Variants in PCDHGA7 observed in about 807,000 individuals in gnomAD.
PCDHGA7 encodes protocadherin gamma subfamily A, 7, also known as protocadherin gamma-A7.
A neutral mutation model predicts 58.3 loss-of-function variants in PCDHGA7; 44 were observed. The ratio of observed to expected loss-of-function variants is 0.75; its 90% CI spans 0.59 to 0.97. The LOEUF (loss-of-function observed/expected upper bound fraction) is 0.97. Among genes scored for constraint, PCDHGA7 ranks in the 50% least tolerant of loss-of-function variants. The pLI, the probability that PCDHGA7 is intolerant of heterozygous loss-of-function variation, is 0.00. For synonymous variants in PCDHGA7, 516 were observed against 504.2 expected (o/e 1.02, Z -0.31); for missense variants, 1,266 against 1,188.7 (o/e 1.06, Z -0.96).
intron 1 of PCDHGA7, among the ~76,000 whole-genome samples, chr5:141,483,459 G>A (rs1214951485): frequency 6.6e-6 from 1 of 152,186 alleles, no homozygotes; most frequent in Non-Finnish European, 1.5e-5. Flanking sequence ...AGGACTTGTT[G>A]ATTGACATGA....
chr5:141,509,979 T>C (rs908103989), intron 3 of PCDHGA7, among the ~76,000 whole-genome samples: 4 of 152,204 alleles, frequency 2.6e-5, no homozygotes, highest in African/African-American at 7.2e-5. Context: ...CTTCTAACAC[T>C]TGGTTCCCTC....
chr5:141,458,385 C>T (rs1371423838), intron 1 of PCDHGA7, among the ~76,000 whole-genome samples: 15 of 152,104 alleles, frequency 9.9e-5, no homozygotes, highest in East Asian at 1.9e-4. Context: ...AGAAGGAAGA[C>T]GCTCCCCCTT....
chr5:141,407,958 A>G lies in PCDHGA7; in HGVS notation c.2424+22635A>G, dbSNP rs1018466165. On this transcript the variant is annotated intron_variant, in intron 1 of 3. Transcript: ENST00000518325. ...TGGGCGCCGCTGTCGGCCAGTGCAG[A>G]GCAAGCGCTGACGCCGGGGATCCGT... 5 of 660,632 alleles carry G rather than the reference A, an allele frequency of 7.6e-6. No homozygotes were observed. In the South Asian group the frequency reaches 1.2e-4, roughly 15 times the overall value. 40.9% of individuals were successfully genotyped at this position (660,632 alleles called of 1,614,324 possible).
At chr5:141,411,045 T>G (rs1409162601) in intron 1 of PCDHGA7, 1 of 159,716 alleles carries the variant, frequency 6.3e-6, no homozygotes, top group Non-Finnish European at 1.4e-5. Flanking sequence ...AGACATGGGG[T>G]TTCACTATGT....
At chr5:141,419,325 AC>A (rs768622826) in intron 1 of PCDHGA7, 1 of 1,613,702 alleles carries the variant, frequency 6.2e-7, no homozygotes, top group Non-Finnish European at 8.5e-7. Context: ...CGTGTCTCCT[AC>A]TCTCTCATTG....
chr5:141,396,295 AG>A (rs1561657375), intron 1 of PCDHGA7: 1 of 151,978 alleles, frequency 6.6e-6, no homozygotes, highest in African/African-American at 2.4e-5. Flanking sequence ...ACTCCAGCCT[AG>A]GTGGCAGAAC....
At chr5:141,415,736 TA>T in intron 1 of PCDHGA7, 1 of 1,289,980 alleles carries the variant, frequency 7.8e-7, no homozygotes, top group South Asian at 1.8e-5. Context: ...TGATGTTTAT[TA>T]AGGTTTTTTT....
intron 1 of PCDHGA7, chr5:141,418,345 T>G: frequency 6.2e-7 from 1 of 1,614,000 alleles, no homozygotes; most frequent in Non-Finnish European, 8.5e-7. Context: ...ATCCTGATAT[T>G]AGTATGAATT....
intron 1 of PCDHGA7, among the ~76,000 whole-genome samples, chr5:141,435,357 T>C (rs749223776): frequency 6.6e-6 from 1 of 152,208 alleles, no homozygotes; most frequent in Non-Finnish European, 1.5e-5. Flanking sequence ...CATTTAAAAT[T>C]TTATCACTTA....
At chr5:141,505,852 G>A (rs2099848673) in intron 3 of PCDHGA7, among the ~76,000 whole-genome samples, 1 of 152,140 alleles carries the variant, frequency 6.6e-6, no homozygotes, top group African/African-American at 2.4e-5. Context: ...TAGAAAGTGG[G>A]GACAGGGACC....
chr5:141,422,519 C>G, intron 1 of PCDHGA7: 1 of 1,613,968 alleles, frequency 6.2e-7, no homozygotes, highest in Non-Finnish European at 8.5e-7. Flanking sequence ...CAGGGAAGCC[C>G]GCCTTTGTCT....
intron 1 of PCDHGA7, among the ~76,000 whole-genome samples, chr5:141,488,870 G>T (rs2099680071): frequency 6.6e-6 from 1 of 152,224 alleles, no homozygotes; most frequent in African/African-American, 2.4e-5. Context: ...TGAGTGGGGA[G>T]GTAGGAAGCT....
chr5:141,387,732 C>T (rs940812767), intron 1 of PCDHGA7: 5 of 1,279,332 alleles, frequency 3.9e-6, no homozygotes, highest in Non-Finnish European at 5.3e-6. Context: ...CAGCGCCAGC[C>T]TTTACACCGC....
At chr5:141,473,750 G>A (rs777343462) in intron 1 of PCDHGA7, among the ~76,000 whole-genome samples, 3 of 152,192 alleles carry the variant, frequency 2.0e-5, no homozygotes, top group Non-Finnish European at 4.4e-5. Context: ...TGAGAACTTG[G>A]ATACTATGCA....
At chr5:141,446,624 G>C (rs1433894248) in intron 1 of PCDHGA7, among the ~76,000 whole-genome samples, 1 of 151,930 alleles carries the variant, frequency 6.6e-6, no homozygotes, top group African/African-American at 2.4e-5. Flanking sequence ...CTACAGGCGT[G>C]CACCACCACG....
Position 141,476,790 on chromosome 5 carries a change from C to T in PCDHGA7, c.2425-18017C>T. ...TTGGACGGAGGGACCCCAGCTCTCT[C>T]CGCCAGCCTGCCTATTCACATCAAG... On this transcript the variant is annotated intron_variant, in intron 1 of 3. Coordinates refer to ENST00000518325, the MANE Select transcript of PCDHGA7 (RefSeq NM_018920.4). This position sits in a 1 kb window ranked among gnomAD's most constrained non-coding sequence, Gnocchi z 7.6. 1 of 1,613,606 alleles carries T rather than the reference C, an allele frequency of 6.2e-7. No homozygotes were observed. Among genetic ancestry groups the T allele is most frequent in the South Asian group, 1.1e-5 (1 of 91,084 alleles).
At chr5:141,433,853 A>G (rs934981508) in intron 1 of PCDHGA7, among the ~76,000 whole-genome samples, 1 of 152,026 alleles carries the variant, frequency 6.6e-6, no homozygotes, top group Non-Finnish European at 1.5e-5. Flanking sequence ...AAAAAAAAAA[A>G]AACTTTATCC....
At chr5:141,443,872 A>G (rs1446612063) in intron 1 of PCDHGA7, among the ~76,000 whole-genome samples, 1 of 152,212 alleles carries the variant, frequency 6.6e-6, no homozygotes, top group South Asian at 2.1e-4. Context: ...AAAATTACTG[A>G]TAAGTCAAGA....
Position 141,400,095 on chromosome 5 carries a change from G to A in PCDHGA7, c.2424+14772G>A, listed in dbSNP as rs6873830. ...CGCCACTCTCCGCCACCGCCACGCT[G>A]CACTTGGTCTTTGCTGACAGCTTGC... On this transcript the variant is annotated intron_variant, in intron 1 of 3. Coordinates refer to ENST00000518325, the MANE Select transcript of PCDHGA7 (RefSeq NM_018920.4). 3.0e-3 allele frequency: 4,838 copies of A among 1,614,064 alleles called. 144 individuals are homozygous for A. The African/African-American group carries it at 0.056, about 19-fold the overall frequency.
Sources: allele counts gnomAD v4.1 joint callset (sites outside exome capture counted in the v4.1 genomes callset), GRCh38; gene constraint gnomAD v4.1.1; non-coding constraint Gnocchi (gnomAD v3.1); transcripts MANE v1.5; gene names NCBI Gene and HGNC (gene_info 2026-07-23, HGNC 2026-07-21).